Variants in LOC730098 observed in about 807,000 individuals in gnomAD.
chr9:34,665,981 GA>G, the LOC730098 span: 4 of 446,378 alleles, frequency 9.0e-6, no homozygotes, highest in African/African-American at 2.0e-5. Flanking sequence ...GGGTCACCTG[GA>G]GGGGGGGCTG....
At chr9:34,665,469 C>A in the LOC730098 span, 1 of 684,606 alleles carries the variant, frequency 1.5e-6, no homozygotes, top group South Asian at 1.6e-5. Context: ...TCGAGGAAGG[C>A]TCCGCCCCGC....
chr9:34,665,618 C>G, the LOC730098 span: 1 of 701,452 alleles, frequency 1.4e-6, no homozygotes, highest in Non-Finnish European at 2.6e-6. Flanking sequence ...CTCACTCCTC[C>G]TCCGCCTCCA....
At chr9:34,665,660 G>T in the LOC730098 span, 5 of 701,098 alleles carry the variant, frequency 7.1e-6, no homozygotes, top group South Asian at 1.5e-5. Context: ...TTCCCGACAT[G>T]TCCTGGGCTC....
the LOC730098 span, chr9:34,665,518 G>A: frequency 1.4e-6 from 1 of 698,936 alleles, no homozygotes; most frequent in Non-Finnish European, 2.6e-6. Flanking sequence ...GCCCCTGGGA[G>A]GCTCGCCCTG....
chr9:34,665,344 G>A, the LOC730098 span: 1 of 702,042 alleles, frequency 1.4e-6, no homozygotes, highest in Non-Finnish European at 2.6e-6. Context: ...GCGAAGCCAG[G>A]GGAAAAAGTA....
At chr9:34,665,240 T>C in the LOC730098 span, 2 of 689,364 alleles carry the variant, frequency 2.9e-6, no homozygotes, top group Non-Finnish European at 5.3e-6. Context: ...GCTACCGGAT[T>C]CCCCCCGATG....
At chr9:34,665,509 CCCCTGGGAGGCTCG>C in the LOC730098 span, 1 of 699,158 alleles carries the variant, frequency 1.4e-6, no homozygotes, top group South Asian at 1.5e-5. Flanking sequence ...CGCGCCCACG[CCCCTGGGAGGCTCG>C]CCCTGCCCAC....
chr9:34,665,768 G>T, the LOC730098 span: 35 of 671,018 alleles, frequency 5.2e-5, no homozygotes, highest in African/African-American at 6.1e-4. Context: ...CAGTTCTCAG[G>T]TAATCTGAGG....
At chr9:34,665,246 C>T in the LOC730098 span, 6 of 696,278 alleles carry the variant, frequency 8.6e-6, no homozygotes, top group Non-Finnish European at 1.6e-5. Context: ...GGATTCCCCC[C>T]GATGGGTCCT....
At chr9:34,666,042 A>T in the LOC730098 span, 2 of 315,034 alleles carry the variant, frequency 6.3e-6, no homozygotes, top group Admixed American at 4.8e-5. Flanking sequence ...TCCACCCCGG[A>T]AACGGACCGT....
At chr9:34,665,532 A>ACCC in the LOC730098 span, 2 of 233,018 alleles carry the variant, frequency 8.6e-6, no homozygotes, top group Admixed American at 5.8e-5. Context: ...CGCCCTGCCC[A>ACCC]CCCCTCGCCC....
the LOC730098 span, chr9:34,665,306 C>T: frequency 1.6e-5 from 11 of 702,184 alleles, no homozygotes; most frequent in Middle Eastern, 4.6e-4. Context: ...GTATCGCAGC[C>T]TCCTCACCTC....
At chr9:34,665,028 T>A in the LOC730098 span, 1 of 587,742 alleles carries the variant, frequency 1.7e-6, no homozygotes, top group Non-Finnish European at 3.0e-6. Context: ...TACGGTGGGC[T>A]TCGGTTTAAA....
chr9:34,665,562 C>T, the LOC730098 span: 3 of 700,398 alleles, frequency 4.3e-6, no homozygotes, highest in East Asian at 2.7e-5. Context: ...TCCACCCTCC[C>T]CCACCCCGGA....
the LOC730098 span, chr9:34,665,123 G>A: frequency 6.6e-6 from 4 of 607,710 alleles, no homozygotes; most frequent in Non-Finnish European, 1.2e-5. Flanking sequence ...GTAGGACCCA[G>A]GCCGCTGGAC....
the LOC730098 span, chr9:34,665,879 G>A: frequency 3.4e-6 from 2 of 589,332 alleles, no homozygotes; most frequent in South Asian, 4.0e-5. Context: ...GGTCATCTCC[G>A]GGGCCTGGGG....
chr9:34,664,730 G>C, the LOC730098 span: 1 of 313,308 alleles, frequency 3.2e-6, no homozygotes, highest in Non-Finnish European at 5.8e-6. Flanking sequence ...TATACTCCCA[G>C]CAGAGAAGAT....
the LOC730098 span, chr9:34,665,533 C>T: frequency 1.5e-6 from 1 of 686,098 alleles, no homozygotes; most frequent in Non-Finnish European, 2.6e-6. Context: ...GCCCTGCCCA[C>T]CCCTCGCCCC....
chr9:34,665,210 T>C, the LOC730098 span: 1 of 664,822 alleles, frequency 1.5e-6, no homozygotes, highest in Non-Finnish European at 2.7e-6. Context: ...GACCCGACAC[T>C]GGCATGAGGC....
Sources: allele counts gnomAD v4.1 joint callset, GRCh38; gene constraint gnomAD v4.1.1; transcripts MANE v1.5.